SEPTIN8: variants seen among roughly 807,000 people sequenced by gnomAD.
SEPTIN8 encodes septin-8.
A neutral mutation model predicts 53.1 loss-of-function variants in SEPTIN8; 22 were observed. The observed-to-expected ratio is 0.41, with a 90% CI of 0.30 to 0.59. SEPTIN8 has a LOEUF of 0.59. SEPTIN8 is among the 20% of genes least tolerant of loss of function. The pLI is 0.24. For missense variants in SEPTIN8, 536 were observed against 638.7 expected (o/e 0.84, Z 1.73); for synonymous variants, 228 against 248.4 (o/e 0.92, Z 0.77).
In SEPTIN8 at chr5:132,761,884, A is replaced by G. The variant is rs1159323142; in HGVS notation, c.709T>C (p.Phe237Leu). Residue 237 changes from phenylalanine (F) to leucine (L), a missense_variant, in exon 6 of 10, where the codon TTT becomes CTT. Coordinates refer to ENST00000378719, the MANE Select transcript of SEPTIN8 (RefSeq NM_001098811.2). The surrounding 1 kb of genome is among the most constrained non-coding windows in gnomAD (Gnocchi z 5.8). ...TCCTCGGTGCTGCCCACCACGGCAA[A>G]GGGCAGATGTGCCTGGAAAGGGGCC... ...INAVMNAHLP[F>L]AVVGSTEEVK... 6.3e-7 allele frequency: 1 copy of G among 1,594,830 alleles called. No individual in the cohort carries two copies. The highest frequency in any genetic ancestry group is 8.5e-7 in the Non-Finnish European group (1 of 1,170,536).
chr5:132,777,374 G>A, upstream of SEPTIN8: 1 of 1,028,208 alleles, frequency 9.7e-7, no homozygotes, highest in South Asian at 4.6e-5. This position sits in a 1 kb window ranked among gnomAD's most constrained non-coding sequence, Gnocchi z 4.1. Flanking sequence ...GAGCCCCGCC[G>A]CTTGGACGGC....
At chr5:132,757,922 A>G in intron 9 of SEPTIN8, 1 of 985,710 alleles carries the variant, frequency 1.0e-6, no homozygotes, top group Non-Finnish European at 1.2e-6. Context: ...CCTTTTTCCC[A>G]CTGAGTACTC....
chr5:132,764,536 A>T, intron 2 of SEPTIN8, 117 bp from the exon 3 acceptor site: 1 of 774,488 alleles, frequency 1.3e-6, no homozygotes, highest in East Asian at 2.7e-5. Flanking sequence ...GATAAGAGAA[A>T]GGGGCAGGCC....
chr5:132,758,672 G>A (rs1036677688), intron 9 of SEPTIN8: 5 of 1,594,032 alleles, frequency 3.1e-6, no homozygotes, highest in Middle Eastern at 1.9e-4. Context: ...GTCGGTGGGA[G>A]GAAAGCAAGG....
Position 132,751,196 on chromosome 5 carries a change from T to A in SEPTIN8, c.*820A>T. ...CAACACAGTTCCACCAGACTCCCACTTCTAAAGGACATTAAATTAACTTTA... is the reference window on the plus strand; with the variant it reads ...CAACACAGTTCCACCAGACTCCCACATCTAAAGGACATTAAATTAACTTTA... On this transcript the variant is annotated 3_prime_UTR_variant, in exon 10 of 10. Transcript: ENST00000378719. 2.0e-6 allele frequency: 1 copy of A among 498,332 alleles called. No homozygotes were observed. The highest frequency in any genetic ancestry group is 3.4e-6 in the Non-Finnish European group (1 of 291,916). 30.9% of individuals were successfully genotyped at this position (498,332 alleles called of 1,614,324 possible).
In SEPTIN8 at chr5:132,761,105, C is replaced by T; in HGVS notation, c.1095+28G>A. 6.2e-7 allele frequency: 1 copy of T among 1,613,806 alleles called. No homozygotes were observed. The highest frequency in any genetic ancestry group is 8.5e-7 in the Non-Finnish European group (1 of 1,179,774). On this transcript the variant is annotated intron_variant, in intron 8 of 9. Transcript: ENST00000378719. The surrounding 1 kb of genome is among the most constrained non-coding windows in gnomAD (Gnocchi z 5.8). ...CCAGGCCTTCCCTCCCTCAGCTTCC[C>T]CATCCCAGCCCCCAGCCTGGCACAT...
intron 1 of SEPTIN8, among the ~76,000 whole-genome samples, chr5:132,766,430 G>A (rs984224943): frequency 9.9e-5 from 15 of 152,210 alleles, no homozygotes; most frequent in African/African-American, 2.7e-4. Context: ...AAGAAACCAC[G>A]AGGACCCAAA....
rs1755138182 is a variant in SEPTIN8 at position 132,754,317 on chromosome 5, C to T, written c.1287-2136G>A. 2.0e-5 allele frequency: 14 copies of T among 691,620 alleles called. No individual in the cohort carries two copies. In the East Asian group the frequency reaches 3.8e-4, roughly 19 times the overall value. The allele number at this position is 691,620 out of a possible 1,614,324, so 42.8% of individuals were successfully genotyped here. On this transcript the variant is annotated intron_variant, in intron 9 of 9. Coordinates refer to ENST00000378719, the MANE Select transcript of SEPTIN8 (RefSeq NM_001098811.2). ...GATGCTGAGGCCATGCTGCTCACAG[C>T]TTCCAGTGGTGGCCGTTGAGTGCCC...
Position 132,752,120 on chromosome 5 carries a change from T to TCCA in SEPTIN8, c.1347_1348insTGG (p.Met449_Thr450insTrp). On this transcript the variant is annotated inframe_insertion, in exon 10 of 10. Transcript: ENST00000378719. ...TTCAAGGGCTCCACACTGGCCTTGG[T>TCCA]CATCATCACCTTAGAGCTGGAGAGG... The TCCA allele has an allele frequency of 3.8e-6, 6 of 1,598,778 alleles. No individual in the cohort carries two copies. Among genetic ancestry groups the TCCA allele is most frequent in the Non-Finnish European group, 5.1e-6 (6 of 1,172,174 alleles).
chr5:132,769,659 G>C (rs1224864821), intron 1 of SEPTIN8, among the ~76,000 whole-genome samples: 3 of 152,066 alleles, frequency 2.0e-5, no homozygotes, highest in Non-Finnish European at 2.9e-5. Flanking sequence ...GACAATAGAG[G>C]CATCAAGAGA....
At position 132,750,982 on chromosome 5, in the gene SEPTIN8, G is replaced by A; in HGVS notation, c.*1034C>T. On this transcript the variant is annotated 3_prime_UTR_variant, in exon 10 of 10. Coordinates refer to ENST00000378719, the MANE Select transcript of SEPTIN8 (RefSeq NM_001098811.2). ...GGGACCTCTATATTGGGACGCCGCT[G>A]GACTTCTTGACTATAGTGAGTAAGG... is the stretch of plus-strand genomic sequence containing the variant. The A allele has an allele frequency of 6.2e-7, 1 of 1,613,974 alleles. No individual in the cohort carries two copies. Among genetic ancestry groups the A allele is most frequent in the Non-Finnish European group, 8.5e-7 (1 of 1,179,988 alleles).
At position 132,777,035 on chromosome 5, in the gene SEPTIN8, C is replaced by T. The variant is rs1235431242; in HGVS notation, c.30+73G>A. 1.0e-5 allele frequency: 10 copies of T among 986,940 alleles called. No homozygotes were observed. In the East Asian group the frequency reaches 3.3e-4, roughly 32 times the overall value. 61.1% of individuals were successfully genotyped at this position (986,940 alleles called of 1,614,324 possible). A position where few individuals can be genotyped will look rare whatever the true frequency, so the allele number is the denominator to read the frequency against. On this transcript the variant is annotated intron_variant, in intron 1 of 9. Coordinates refer to ENST00000378719, the MANE Select transcript of SEPTIN8 (RefSeq NM_001098811.2). This position sits in a 1 kb window ranked among gnomAD's most constrained non-coding sequence, Gnocchi z 4.1. ...GGCGCTGACAGCCCGCTTCGCGCCC[C>T]CCGCCAGCTGCAGGGCGGCCCCTCC...
intron 9 of SEPTIN8, among the ~76,000 whole-genome samples, chr5:132,759,287 G>A (rs1755655955): frequency 6.6e-6 from 1 of 152,076 alleles, no homozygotes; most frequent in Admixed American, 6.5e-5. Flanking sequence ...CCAGAGAACA[G>A]GAAAGACCTG....
chr5:132,755,485 A>G (rs1458338677), intron 9 of SEPTIN8, among the ~76,000 whole-genome samples: 1 of 152,080 alleles, frequency 6.6e-6, no homozygotes, highest in Non-Finnish European at 1.5e-5. Context: ...CCAGCGTTCA[A>G]ATCTCAACTT....
At chr5:132,777,439 G>A, upstream of SEPTIN8, 3 of 993,970 alleles carry the variant, frequency 3.0e-6, no homozygotes, top group Non-Finnish European at 3.6e-6. The surrounding 1 kb of genome is among the most constrained non-coding windows in gnomAD (Gnocchi z 4.1). Context: ...GCTGGGACTT[G>A]TAGTCCGCGC....
chr5:132,751,653 TC>T lies in SEPTIN8; in HGVS notation c.*362del. 1 of 427,258 alleles carries T rather than the reference TC, an allele frequency of 2.3e-6. No homozygotes were observed. Among genetic ancestry groups the T allele is most frequent in the Non-Finnish European group, 4.1e-6 (1 of 241,986 alleles). 26.5% of individuals were successfully genotyped at this position (427,258 alleles called of 1,614,324 possible). ...ATGATAAGCAGATACAAGTAACTTT[TC>T]TGCTACCTTGGTCTTGAATAGTATG... On this transcript the variant is annotated 3_prime_UTR_variant, in exon 10 of 10. Transcript: ENST00000378719.
At chr5:132,777,876 G>A (rs1244269042), upstream of SEPTIN8, 2 of 985,384 alleles carry the variant, frequency 2.0e-6, no homozygotes, top group Non-Finnish European at 2.4e-6. The surrounding 1 kb of genome is among the most constrained non-coding windows in gnomAD (Gnocchi z 4.1). Flanking sequence ...AGCAGGATGC[G>A]CAGTTTAGGC....
Position 132,760,689 on chromosome 5 carries a change from G to A in SEPTIN8, c.1286+113C>T. On this transcript the variant is annotated intron_variant, in intron 9 of 9. Coordinates refer to ENST00000378719, the MANE Select transcript of SEPTIN8 (RefSeq NM_001098811.2). This position sits in a 1 kb window ranked among gnomAD's most constrained non-coding sequence, Gnocchi z 5.2. ...CTGAAGATGAGGGAAAACCAAACAG[G>A]AAAGGGGTAAGAGAGGGCGAGCAGG... 9.7e-7 allele frequency: 1 copy of A among 1,028,016 alleles called. No homozygotes were observed. The highest frequency in any genetic ancestry group is 1.4e-6 in the Non-Finnish European group (1 of 701,550). 63.7% of individuals were successfully genotyped at this position (1,028,016 alleles called of 1,614,324 possible). A position where few individuals can be genotyped will look rare whatever the true frequency, so the allele number is the denominator to read the frequency against.
At chr5:132,756,265 C>G (rs1755330582) in intron 9 of SEPTIN8, 1 of 985,390 alleles carries the variant, frequency 1.0e-6, no homozygotes, top group Non-Finnish European at 1.2e-6. Flanking sequence ...AGGGTACCCA[C>G]AACTAGAAAG....
Sources: allele counts gnomAD v4.1 joint callset (sites outside exome capture counted in the v4.1 genomes callset), GRCh38; gene constraint gnomAD v4.1.1; non-coding constraint Gnocchi (gnomAD v3.1); transcripts MANE v1.5; gene names NCBI Gene and HGNC (gene_info 2026-07-23, HGNC 2026-07-21).